EML5: variants seen among roughly 807,000 people sequenced by gnomAD.
EML5 encodes the protein echinoderm microtubule-associated protein-like 5.
Under a neutral mutation model 250.0 loss-of-function variants are expected in EML5, and 120 were observed. That is an observed-to-expected ratio of 0.48 (90% CI 0.41 to 0.56). The LOEUF is 0.56. Ranked by LOEUF, EML5 falls within the 20% of genes least tolerant of loss-of-function variation. The pLI, the probability that EML5 is intolerant of heterozygous loss-of-function variation, is 0.00. For synonymous variants in EML5, 771 were observed against 806.5 expected, an observed-to-expected ratio of 0.96 and a Z score of 0.75; for missense variants, 2,006 against 2,437.6, an observed-to-expected ratio of 0.82 and a Z score of 3.73.
intron 25 of EML5, among the ~76,000 whole-genome samples, chr14:88,659,480 G>C (rs186852850): frequency 1.8e-3 from 270 of 152,276 alleles, no homozygotes; most frequent in African/African-American, 6.2e-3. Flanking sequence ...CCAAAGTGCT[G>C]GGATTATAGG....
At chr14:88,750,651 A>G (rs970404511) in intron 2 of EML5, among the ~76,000 whole-genome samples, 1 of 152,188 alleles carries the variant, frequency 6.6e-6, no homozygotes, top group African/African-American at 2.4e-5. Flanking sequence ...ATTTCTGAAA[A>G]GAAAGTTTTA....
chr14:88,760,467 CATATCT>C (rs1247529696), intron 1 of EML5, among the ~76,000 whole-genome samples: 6 of 145,568 alleles, frequency 4.1e-5, no homozygotes, highest in Non-Finnish European at 7.7e-5. Context: ...ATCAATTGAC[CATATCT>C]ATATTACTTT....
intron 21 of EML5, among the ~76,000 whole-genome samples, chr14:88,679,864 A>G (rs2092681175): frequency 6.6e-6 from 1 of 152,160 alleles, no homozygotes; most frequent in Non-Finnish European, 1.5e-5. Flanking sequence ...TACTCAGACT[A>G]GTGTATAGAA....
At chr14:88,764,387 T>A (rs1433225724) in intron 1 of EML5, among the ~76,000 whole-genome samples, 1 of 152,232 alleles carries the variant, frequency 6.6e-6, no homozygotes, top group Admixed American at 6.5e-5. Flanking sequence ...TCATCTCAGT[T>A]GTCAAATGTA....
intron 1 of EML5, among the ~76,000 whole-genome samples, chr14:88,777,354 A>G (rs541650369): frequency 3.9e-4 from 59 of 152,334 alleles, no homozygotes; most frequent in South Asian, 1.7e-3. Context: ...ATCCCTCAAC[A>G]TGAAGGAGAA....
Position 88,685,150 on chromosome 14 carries a change from G to T in EML5, c.2855-8C>A, listed in dbSNP as rs1406696893. ...TATCTTCCAAGAGAAGACCTGAAAT[G>T]TTAAATGAAGATGTTCTTTTAGACA... On this transcript the variant is annotated splice_polypyrimidine_tract_variant and splice_region_variant and intron_variant, in intron 19 of 43. Coordinates refer to ENST00000554922, the MANE Select transcript of EML5 (RefSeq NM_183387.3). The T allele has an allele frequency of 2.5e-6, 4 of 1,592,846 alleles. No individual in the cohort carries two copies. Among genetic ancestry groups the T allele is most frequent in the Non-Finnish European group, 3.4e-6 (4 of 1,170,628 alleles).
intron 31 of EML5, among the ~76,000 whole-genome samples, chr14:88,640,804 GAC>G (rs1227261198): frequency 6.6e-6 from 1 of 151,674 alleles, no homozygotes; most frequent in African/African-American, 2.4e-5. Context: ...AAGATCAATA[GAC>G]CACTAGTAGT....
intron 32 of EML5, among the ~76,000 whole-genome samples, chr14:88,635,621 G>A (rs1319007313): frequency 2.0e-5 from 3 of 152,144 alleles, no homozygotes; most frequent in Non-Finnish European, 4.4e-5. Flanking sequence ...GATCTGGAAG[G>A]CAGATACCAA....
intron 1 of EML5, among the ~76,000 whole-genome samples, chr14:88,784,777 G>A (rs979246424): frequency 5.3e-5 from 8 of 152,186 alleles, no homozygotes; most frequent in African/African-American, 2.4e-5. Flanking sequence ...ATGGAGAACA[G>A]TTTGGAGGTT....
intron 32 of EML5, among the ~76,000 whole-genome samples, chr14:88,638,073 C>T (rs1209965514): frequency 6.6e-6 from 1 of 152,172 alleles, no homozygotes; most frequent in Non-Finnish European, 1.5e-5. Flanking sequence ...GGAAAGCTAG[C>T]TTAGCCATCA....
chr14:88,712,187 C>A, intron 10 of EML5, 84 bp downstream of exon 10: 1 of 935,458 alleles, frequency 1.1e-6, no homozygotes, highest in Non-Finnish European at 1.6e-6. Context: ...ATATGAAATC[C>A]TTTATCTCAA....
At chr14:88,715,918 C>T (rs541232467) in intron 8 of EML5, among the ~76,000 whole-genome samples, 3 of 152,110 alleles carry the variant, frequency 2.0e-5, no homozygotes, top group East Asian at 3.9e-4. Context: ...ATGATGACTT[C>T]TTATTGAGTA....
intron 1 of EML5, among the ~76,000 whole-genome samples, chr14:88,788,909 A>G (rs1035599021): frequency 7.9e-5 from 12 of 151,824 alleles, no homozygotes; most frequent in Non-Finnish European, 1.5e-5. Flanking sequence ...AAAAAAAAAA[A>G]AAAATAGCCC....
At chr14:88,709,278 T>A (rs1454141888) in intron 10 of EML5, among the ~76,000 whole-genome samples, 2 of 151,818 alleles carry the variant, frequency 1.3e-5, no homozygotes, top group African/African-American at 4.8e-5. Context: ...AATTAAGAAC[T>A]GGCCAAGAAA....
At chr14:88,769,976 T>G (rs1274481669) in intron 1 of EML5, among the ~76,000 whole-genome samples, 1 of 152,030 alleles carries the variant, frequency 6.6e-6, no homozygotes, top group East Asian at 1.9e-4. Context: ...GTTTTTTTTT[T>G]TTTTTGGTCT....
intron 33 of EML5, among the ~76,000 whole-genome samples, chr14:88,628,904 T>C (rs1238092513): frequency 6.6e-6 from 1 of 151,984 alleles, no homozygotes; most frequent in East Asian, 1.9e-4. Flanking sequence ...ATATCAAAAC[T>C]ACACGGAAAC....
At chr14:88,729,189 A>T (rs1459638162) in intron 7 of EML5, among the ~76,000 whole-genome samples, 1 of 152,146 alleles carries the variant, frequency 6.6e-6, no homozygotes, top group Admixed American at 6.5e-5. Flanking sequence ...TATATGCTAT[A>T]CACATATACA....
At chr14:88,780,623 T>C (rs926808649) in intron 1 of EML5, among the ~76,000 whole-genome samples, 4 of 152,142 alleles carry the variant, frequency 2.6e-5, no homozygotes, top group African/African-American at 7.2e-5. Context: ...TCATCCAGGC[T>C]GGAGTGCAGA....
Position 88,620,934 on chromosome 14 carries a change from T to TAA in EML5, c.5203-10_5203-9dup, listed in dbSNP as rs35953031. On this transcript the variant is annotated splice_polypyrimidine_tract_variant and intron_variant, in intron 38 of 43. Coordinates refer to ENST00000554922, the MANE Select transcript of EML5 (RefSeq NM_183387.3). The surrounding 1 kb of genome is among the most constrained non-coding windows in gnomAD (Gnocchi z 4.3). ...CACTTTGTTTAACATCTTCTGCATTTAAAAAAAAAAAAAAAAAGAGTCATA... is the reference window on the plus strand; with the variant it reads ...CACTTTGTTTAACATCTTCTGCATTTAAAAAAAAAAAAAAAAAAAGAGTCATA... 8,688 of 1,368,476 alleles carry TAA rather than the reference T, an allele frequency of 6.3e-3. 22 individuals are homozygous for TAA. Among genetic ancestry groups the TAA allele is most frequent in the African/African-American group, 0.029 (1,830 of 63,994 alleles). 84.8% of individuals were successfully genotyped at this position (1,368,476 alleles called of 1,614,324 possible).
Sources: gnomAD v4.1 joint callset for allele counts (sites outside exome capture counted in the v4.1 genomes callset) on GRCh38, gnomAD v4.1.1 for gene constraint, Gnocchi (gnomAD v3.1) non-coding constraint, MANE v1.5 for transcripts, NCBI Gene and HGNC (gene_info 2026-07-23, HGNC 2026-07-21) for gene names.